The following GLI3 variants were observed in gnomAD, a reference collection of about 807,000 sequenced individuals.
GLI3 encodes the protein transcription activator GLI3.
In GLI3, 20 loss-of-function variants were observed where a neutral mutation model predicts 100.8. The observed-to-expected ratio is 0.20, with a 90% CI of 0.14 to 0.29. GLI3 has a LOEUF of 0.29. Among genes scored for constraint, GLI3 ranks in the 10% least tolerant of loss-of-function variants. The pLI is 1.00. For missense variants in GLI3, 2,040 were observed against 2,128.5 expected (o/e 0.96, Z 0.82); for synonymous variants, 938 against 860.5 (o/e 1.09, Z -1.58).
Position 41,983,693 on chromosome 7 carries a change from A to T in GLI3, c.1498-4945T>A, listed in dbSNP as rs538438418. ...GAAAGAGATAGATGGTGTAAATTAC[A>T]ATGTGGCATGCCAACTCTCTCGGCG... On this transcript the variant is annotated intron_variant, in intron 10 of 14. Transcript: ENST00000395925. Among the ~76,000 whole-genome samples the T allele has an allele frequency of 5.3e-5, 8 of 152,332 alleles. No homozygotes were observed. In the East Asian group the frequency reaches 1.5e-3, roughly 29 times the overall value.
At chr7:41,984,691 AG>A (rs1459657012) in intron 10 of GLI3, among the ~76,000 whole-genome samples, 1 of 152,190 alleles carries the variant, frequency 6.6e-6, no homozygotes, top group East Asian at 1.9e-4. Context: ...AAAACAGTGG[AG>A]GGGGGAAACG....
At chr7:42,229,809 T>G (rs1230661605) in intron 1 of GLI3, among the ~76,000 whole-genome samples, 1 of 152,178 alleles carries the variant, frequency 6.6e-6, no homozygotes, top group African/African-American at 2.4e-5. Flanking sequence ...AAACTAATGT[T>G]GATTTGAACT....
chr7:41,978,914 AG>A (rs1385826087), intron 10 of GLI3, among the ~76,000 whole-genome samples, 166 bp from the exon 11 acceptor site: 12 of 152,222 alleles, frequency 7.9e-5, no homozygotes, highest in Admixed American at 4.6e-4. Flanking sequence ...ACACTTCTCA[AG>A]TAAATTTGCT....
At chr7:42,103,083 T>A (rs572911221) in intron 3 of GLI3, among the ~76,000 whole-genome samples, 1 of 151,984 alleles carries the variant, frequency 6.6e-6, no homozygotes, top group Non-Finnish European at 1.5e-5. Context: ...TGAGGGTCTC[T>A]CAGGAGGCTG....
intron 2 of GLI3, among the ~76,000 whole-genome samples, chr7:42,149,075 T>A (rs1786793002): frequency 6.6e-6 from 1 of 152,182 alleles, no homozygotes. Flanking sequence ...AACAGAAAAC[T>A]CATTGGTGAA....
chr7:42,247,363 TGTG>T (rs1788986782), intron 1 of GLI3, among the ~76,000 whole-genome samples: 1 of 152,046 alleles, frequency 6.6e-6, no homozygotes, highest in Admixed American at 6.5e-5. Flanking sequence ...ACACCACTGA[TGTG>T]GTGATCAGTG....
rs929014194 is a variant in GLI3 at position 42,144,541 on chromosome 7, C to T, written c.367+3685G>A. ...CCGCTGTCCCTGAGTTTTCTTTTTTCTTTTTTTTTTAAGCCACAAAACCTA... is the reference window on the plus strand; with the variant it reads ...CCGCTGTCCCTGAGTTTTCTTTTTTTTTTTTTTTTTAAGCCACAAAACCTA... On this transcript the variant is annotated intron_variant, in intron 3 of 14. Transcript: ENST00000395925. Among the ~76,000 whole-genome samples, 5 of 148,346 alleles carry T rather than the reference C, an allele frequency of 3.4e-5. No homozygotes were observed. In the South Asian group the frequency reaches 1.1e-3, roughly 32 times the overall value.
chr7:42,160,629 T>C (rs186814973), intron 2 of GLI3, among the ~76,000 whole-genome samples: 2 of 152,320 alleles, frequency 1.3e-5, no homozygotes, highest in Middle Eastern at 3.4e-3. Context: ...AGATCAGGGA[T>C]GCCCAACCTA....
intron 7 of GLI3, among the ~76,000 whole-genome samples, chr7:42,037,127 T>G (rs1256092967): frequency 6.6e-6 from 1 of 151,422 alleles, no homozygotes; most frequent in Non-Finnish European, 1.5e-5. Flanking sequence ...GGCAAAAGAG[T>G]GAAACTCTGT....
At chr7:41,967,451 A>T (rs1011867077) in intron 14 of GLI3, 145 bp downstream of exon 14, 2 of 702,656 alleles carry the variant, frequency 2.8e-6, no homozygotes, top group African/African-American at 1.8e-5. Flanking sequence ...CCAAAAGGCA[A>T]CTTGAATGGG....
chr7:42,056,368 A>C (rs954513627), intron 4 of GLI3, among the ~76,000 whole-genome samples: 2 of 152,194 alleles, frequency 1.3e-5, no homozygotes, highest in Admixed American at 1.3e-4. Flanking sequence ...AGTAGATGTG[A>C]CCTAATGAGT....
At chr7:42,015,750 C>A (rs186099092) in intron 10 of GLI3, among the ~76,000 whole-genome samples, 2 of 151,810 alleles carry the variant, frequency 1.3e-5, no homozygotes, top group African/African-American at 4.8e-5. Context: ...CACACACACA[C>A]CCACCCCCCC....
chr7:42,182,664 A>ACGTGTGTG lies in GLI3; in HGVS notation c.125-34197_125-34196insCACACACG, dbSNP rs1554337046. 4.6e-4 allele frequency among the ~76,000 whole-genome samples: 36 copies of ACGTGTGTG among 78,318 alleles called. 4 individuals carry two copies. Among genetic ancestry groups the ACGTGTGTG allele is most frequent in the Middle Eastern group, 0.012 (2 of 162 alleles). The allele number at this position is 78,318 out of a possible 152,430, so 51.4% of individuals were successfully genotyped here. A position where few individuals can be genotyped will look rare whatever the true frequency, so the allele number is the denominator to read the frequency against. ...TGTGTGTATATATATATATATATATATATATATATATATATATACACATGT... is the reference window on the plus strand; with the variant it reads ...TGTGTGTATATATATATATATATATACGTGTGTGTATATATATATATATATACACATGT... On this transcript the variant is annotated intron_variant, in intron 2 of 14. Transcript: ENST00000395925.
chr7:42,221,881 TA>T (rs751082678), intron 2 of GLI3, among the ~76,000 whole-genome samples: 16 of 152,182 alleles, frequency 1.1e-4, no homozygotes, highest in Non-Finnish European at 2.1e-4. Flanking sequence ...AAGGAGGAAA[TA>T]TTTTCACATA....
intron 6 of GLI3, among the ~76,000 whole-genome samples, chr7:42,040,927 C>T (rs1236471986): frequency 6.6e-6 from 1 of 152,014 alleles, no homozygotes; most frequent in Non-Finnish European, 1.5e-5. Flanking sequence ...AAGAATGCTG[C>T]AGAACACCCT....
rs200626925 is a variant in GLI3, at chr7:42,180,148, TG to T, written c.125-31681del. ...GTGGCCTGCAGAGGACAGGCAGTGG[TG>T]GGGGCGGAGGACAACAGAGAAGGCC... On this transcript the variant is annotated intron_variant, in intron 2 of 14. Transcript: ENST00000395925. 6.5e-3 allele frequency among the ~76,000 whole-genome samples: 995 copies of T among 151,984 alleles called. 15 individuals carry two copies. Among genetic ancestry groups the T allele is most frequent in the African/African-American group, 0.023 (949 of 41,480 alleles).
chr7:42,222,955 T>C (rs990247543), intron 2 of GLI3, 175 bp downstream of exon 2: 2 of 708,560 alleles, frequency 2.8e-6, no homozygotes, highest in South Asian at 3.2e-5. Context: ...AGTGCCAAAA[T>C]AGAGATTACT....
intron 3 of GLI3, among the ~76,000 whole-genome samples, chr7:42,079,841 A>G (rs1463560649): frequency 6.6e-6 from 1 of 152,214 alleles, no homozygotes; most frequent in Non-Finnish European, 1.5e-5. Context: ...ACAAAGTACA[A>G]AACCACGTTT....
chr7:42,006,276 T>C (rs1487584779), intron 10 of GLI3, among the ~76,000 whole-genome samples: 1 of 152,124 alleles, frequency 6.6e-6, no homozygotes, highest in African/African-American at 2.4e-5. Flanking sequence ...GTGGGGGCAG[T>C]GGTTCTCAGA....
Sources: allele counts gnomAD v4.1 joint callset (sites outside exome capture counted in the v4.1 genomes callset), GRCh38; gene constraint gnomAD v4.1.1; transcripts MANE v1.5; gene names NCBI Gene and HGNC (gene_info 2026-07-23, HGNC 2026-07-21).